The following KIZ variants were observed in gnomAD, a reference collection of about 807,000 sequenced individuals.
KIZ encodes the protein kizuna centrosomal protein.
In KIZ, 68 loss-of-function variants were observed where a neutral mutation model predicts 79.6. The observed-to-expected ratio is 0.85, with a 90% CI of 0.70 to 1.05. The LOEUF (loss-of-function observed/expected upper bound fraction) is 1.05. KIZ is among the 50% of genes least tolerant of loss of function. The probability of loss-of-function intolerance (pLI) is 0.00; values close to 1 mark genes in which losing one functional copy is unlikely to be tolerated. For missense variants in KIZ, 797 were observed against 800.4 expected, an observed-to-expected ratio of 1.00 and a Z score of 0.05; for synonymous variants, 280 against 281.8, an observed-to-expected ratio of 0.99 and a Z score of 0.06.
intron 4 of KIZ, among the ~76,000 whole-genome samples, chr20:21,156,565 G>A (rs1259615933): frequency 6.6e-6 from 1 of 152,100 alleles, no homozygotes; most frequent in African/African-American, 2.4e-5. Context: ...ATAATACTTG[G>A]TGATAATAAT....
Position 21,162,294 on chromosome 20 carries a change from C to G in KIZ, c.829C>G (p.Pro277Ala). 6.2e-7 allele frequency: 1 copy of G among 1,613,738 alleles called. No homozygotes were observed. The highest frequency in any genetic ancestry group is 8.5e-7 in the Non-Finnish European group (1 of 1,179,664). The stretch of plus-strand genomic sequence containing the variant: ...CAAAAAGTCTGCTGAACTCAATTCC[C>G]CGTTACGGGAAAGATTAAGTCCAGA... ...EGKKSAELNS[P>A]LRERLSPENR... The change falls in exon 5 of 13, where the codon CCG becomes GCG. Residue 277 changes from proline to alanine, a missense_variant. Transcript: ENST00000619189.
At chr20:21,231,326 AAAAC>A (rs968887184) in intron 10 of KIZ, among the ~76,000 whole-genome samples, 8 of 152,358 alleles carry the variant, frequency 5.3e-5, no homozygotes, top group African/African-American at 9.6e-5. Context: ...CCTGTCTCAA[AAAAC>A]AAACAAACAA....
intron 11 of KIZ, among the ~76,000 whole-genome samples, chr20:21,242,127 G>T: frequency 1.3e-5 from 2 of 152,302 alleles, no homozygotes; most frequent in South Asian, 4.1e-4. Flanking sequence ...GTCACTACCC[G>T]CATGGATCTT....
intron 4 of KIZ, among the ~76,000 whole-genome samples, chr20:21,146,529 T>A (rs1483148939): frequency 6.6e-6 from 1 of 152,212 alleles, no homozygotes; most frequent in African/African-American, 2.4e-5. Flanking sequence ...AACTGCTACT[T>A]TACTAAAAGA....
intron 9 of KIZ, among the ~76,000 whole-genome samples, chr20:21,223,708 C>A (rs1422976686): frequency 7.0e-6 from 1 of 143,650 alleles, no homozygotes; most frequent in Non-Finnish European, 1.5e-5. Context: ...CTTGCTCTCT[C>A]ACCCAGGCTG....
intron 9 of KIZ, among the ~76,000 whole-genome samples, chr20:21,224,832 G>A (rs1180868546): frequency 6.6e-6 from 1 of 152,122 alleles, no homozygotes. Context: ...ATTTTAGCAG[G>A]TGTACATTTG....
intron 6 of KIZ, among the ~76,000 whole-genome samples, chr20:21,190,057 C>T (rs2035047097): frequency 1.3e-5 from 2 of 152,132 alleles, no homozygotes; most frequent in East Asian, 3.8e-4. Context: ...CAAACAAAAC[C>T]CTGTATACAA....
At chr20:21,159,729 T>C (rs1453084541) in intron 4 of KIZ, among the ~76,000 whole-genome samples, 1 of 152,250 alleles carries the variant, frequency 6.6e-6, no homozygotes, top group African/African-American at 2.4e-5. Flanking sequence ...ATTATTCTCT[T>C]GTATGAATGT....
At chr20:21,209,798 C>T (rs753516505) in intron 7 of KIZ, among the ~76,000 whole-genome samples, 120 of 152,360 alleles carry the variant, frequency 7.9e-4, no homozygotes, top group East Asian at 5.8e-4. Flanking sequence ...TTTTCTGTGT[C>T]TGTGTTAGTA....
intron 3 of KIZ, among the ~76,000 whole-genome samples, chr20:21,142,277 C>T (rs78489415): frequency 0.021 from 3,133 of 152,150 alleles, 116 homozygotes; most frequent in African/African-American, 0.071. Flanking sequence ...GCACTTCCTT[C>T]ATGGTATTAT....
At chr20:21,156,467 C>T (rs555573275) in intron 4 of KIZ, among the ~76,000 whole-genome samples, 1 of 152,222 alleles carries the variant, frequency 6.6e-6, no homozygotes, top group South Asian at 2.1e-4. Context: ...TAATGCATTC[C>T]TGACATGTTT....
intron 6 of KIZ, among the ~76,000 whole-genome samples, chr20:21,177,172 C>A (rs1391216499): frequency 3.3e-5 from 5 of 151,924 alleles, no homozygotes; most frequent in African/African-American, 1.2e-4. Flanking sequence ...TTTGAGGAAT[C>A]TCTGTACTGT....
chr20:21,166,148 A>ATTTTTT, intron 6 of KIZ: 12 of 668,238 alleles, frequency 1.8e-5, no homozygotes, highest in Admixed American at 5.3e-5. Flanking sequence ...TGTATTTTGT[A>ATTTTTT]TTTTTTTTTT....
At chr20:21,203,616 C>T (rs915671136) in intron 6 of KIZ, among the ~76,000 whole-genome samples, 2 of 152,138 alleles carry the variant, frequency 1.3e-5, no homozygotes, top group African/African-American at 4.8e-5. Flanking sequence ...ATTTCTTCTG[C>T]ATTTATTGGA....
chr20:21,173,278 T>C (rs1044002796), intron 6 of KIZ, among the ~76,000 whole-genome samples: 2 of 151,972 alleles, frequency 1.3e-5, no homozygotes, highest in Non-Finnish European at 2.9e-5. Context: ...TATTTTTATA[T>C]AAAAGAACCA....
At chr20:21,166,696 G>T in intron 6 of KIZ, 1 of 628,096 alleles carries the variant, frequency 1.6e-6, no homozygotes, top group South Asian at 2.0e-5. Flanking sequence ...TACCTCAGGT[G>T]ATCTGCCTGC....
chr20:21,176,143 C>G (rs1419665941), intron 6 of KIZ, among the ~76,000 whole-genome samples: 1 of 152,210 alleles, frequency 6.6e-6, no homozygotes, highest in East Asian at 1.9e-4. Flanking sequence ...AACCCTGTCT[C>G]TACTAAAAAT....
At chr20:21,158,007 T>A (rs575035637) in intron 4 of KIZ, among the ~76,000 whole-genome samples, 209 of 152,340 alleles carry the variant, frequency 1.4e-3, no homozygotes, top group Non-Finnish European at 2.5e-3. Flanking sequence ...TCAGCCCTTT[T>A]AGCCCTGCTA....
intron 7 of KIZ, among the ~76,000 whole-genome samples, chr20:21,211,792 T>C (rs2036078111): frequency 6.6e-6 from 1 of 152,216 alleles, no homozygotes; most frequent in Admixed American, 6.5e-5. Flanking sequence ...TTTTCCTGAC[T>C]GCAGAAGTTG....
Sources: gnomAD v4.1 joint callset for allele counts (sites outside exome capture counted in the v4.1 genomes callset) on GRCh38, gnomAD v4.1.1 for gene constraint, MANE v1.5 for transcripts, NCBI Gene and HGNC (gene_info 2026-07-23, HGNC 2026-07-21) for gene names.